Variants in CDK6 observed in about 807,000 individuals in gnomAD.
CDK6 encodes the protein cyclin-dependent kinase 6.
CDK6 carries 6 observed loss-of-function variants against 37.1 expected under a neutral mutation model. The observed-to-expected ratio is 0.16, with a 90% CI of 0.09 to 0.32. The LOEUF (loss-of-function observed/expected upper bound fraction) is 0.32, where lower values mean the gene tolerates loss of function less well. CDK6 is among the 10% of genes least tolerant of loss of function. The pLI is 1.00. For missense variants in CDK6, 224 were observed against 418.9 expected (o/e 0.53, Z 4.06); for synonymous variants, 160 against 161.3 (o/e 0.99, Z 0.06).
At chr7:92,699,565 T>C (rs1797795672) in intron 4 of CDK6, among the ~76,000 whole-genome samples, 1 of 152,252 alleles carries the variant, frequency 6.6e-6, no homozygotes, top group Admixed American at 6.5e-5. Flanking sequence ...GATATATCTG[T>C]ACTACTCTCA....
chr7:92,812,913 T>A (rs1267001149), intron 2 of CDK6, among the ~76,000 whole-genome samples: 1 of 152,218 alleles, frequency 6.6e-6, no homozygotes, highest in Non-Finnish European at 1.5e-5. Context: ...TTTTTAATTG[T>A]CATACTAATT....
At chr7:92,789,389 G>A (rs374475278) in intron 2 of CDK6, among the ~76,000 whole-genome samples, 2 of 152,164 alleles carry the variant, frequency 1.3e-5, no homozygotes, top group East Asian at 1.9e-4. Flanking sequence ...AACTACATAG[G>A]TAAGTGGTTT....
chr7:92,821,300 A>G, intron 2 of CDK6, among the ~76,000 whole-genome samples: 1 of 152,086 alleles, frequency 6.6e-6, no homozygotes, highest in East Asian at 1.9e-4. Flanking sequence ...AGACGCCTAG[A>G]ATAATCAAAC....
At chr7:92,806,537 G>A (rs2115921404) in intron 2 of CDK6, among the ~76,000 whole-genome samples, 1 of 152,294 alleles carries the variant, frequency 6.6e-6, no homozygotes, top group East Asian at 1.9e-4. Flanking sequence ...GAGGATGTCA[G>A]GGAGGAATGA....
chr7:92,824,350 T>C (rs1352262376), intron 2 of CDK6, among the ~76,000 whole-genome samples: 1 of 152,034 alleles, frequency 6.6e-6, no homozygotes, highest in Non-Finnish European at 1.5e-5. Flanking sequence ...CTTTGAGATT[T>C]TGAAATTAAA....
chr7:92,643,071 G>C (rs934610883), intron 5 of CDK6, among the ~76,000 whole-genome samples: 1 of 152,058 alleles, frequency 6.6e-6, no homozygotes, highest in African/African-American at 2.4e-5. Flanking sequence ...ATTTTTTGTA[G>C]AGACAGGGTT....
chr7:92,689,773 T>C (rs945960831), intron 4 of CDK6, among the ~76,000 whole-genome samples: 2 of 152,210 alleles, frequency 1.3e-5, no homozygotes, highest in African/African-American at 4.8e-5. Context: ...CATTCCTTTT[T>C]CTCCACAACC....
chr7:92,804,543 A>G (rs1800672034), intron 2 of CDK6, among the ~76,000 whole-genome samples: 1 of 152,186 alleles, frequency 6.6e-6, no homozygotes, highest in Non-Finnish European at 1.5e-5. Flanking sequence ...ATGGTAATGA[A>G]AAATACTAAT....
intron 4 of CDK6, among the ~76,000 whole-genome samples, chr7:92,724,106 T>C (rs112535253): frequency 6.6e-6 from 1 of 152,200 alleles, no homozygotes; most frequent in African/African-American, 2.4e-5. Context: ...ACAAAGCCTA[T>C]TCAAGCTTCT....
intron 3 of CDK6, among the ~76,000 whole-genome samples, chr7:92,745,225 T>C (rs1331258981): frequency 3.3e-5 from 5 of 152,356 alleles, no homozygotes; most frequent in East Asian, 1.9e-4. Context: ...TCTATCATTC[T>C]TGAACATACA....
At chr7:92,751,328 C>T (rs1799183653) in intron 3 of CDK6, among the ~76,000 whole-genome samples, 1 of 151,860 alleles carries the variant, frequency 6.6e-6, no homozygotes, top group Non-Finnish European at 1.5e-5. Context: ...AAGAAGTGTT[C>T]GAGATACATT....
chr7:92,756,049 A>G (rs747234603), intron 3 of CDK6, among the ~76,000 whole-genome samples: 7 of 152,036 alleles, frequency 4.6e-5, no homozygotes, highest in Non-Finnish European at 7.4e-5. Flanking sequence ...TCTCCCTTTA[A>G]TATAATAAGG....
Position 92,690,707 on chromosome 7 carries a change from G to A in CDK6, c.538-19172C>T, listed in dbSNP as rs543375970. ...GCACTACTCTATGACAACGTATGGG[G>A]TTGAGCACAAATAATCTAAAATAAA... is the stretch of plus-strand genomic sequence containing the variant. On this transcript the variant is annotated intron_variant, in intron 4 of 7. Transcript: ENST00000424848. Among the ~76,000 whole-genome samples the A allele has an allele frequency of 2.6e-4, 39 of 152,268 alleles. No individual in the cohort carries two copies. In the South Asian group the frequency reaches 8.1e-3, roughly 32 times the overall value.
rs1795522800 is a variant in CDK6, at chr7:92,609,829, G to A, written c.*5311C>T. 8.7e-6 allele frequency: 2 copies of A among 230,654 alleles called. No individual in the cohort carries two copies. The highest frequency in any genetic ancestry group is 1.7e-5 in the Non-Finnish European group (2 of 116,480). 14.3% of individuals were successfully genotyped at this position (230,654 alleles called of 1,614,324 possible). On this transcript the variant is annotated 3_prime_UTR_variant, in exon 8 of 8. Coordinates refer to ENST00000424848, the MANE Select transcript of CDK6 (RefSeq NM_001145306.2). ...TTCAAAAATTTTTTCTTGACTGAAT[G>A]AATGACTAGGCTTTCTTTACTTAAA... is the stretch of plus-strand genomic sequence containing the variant.
At chr7:92,782,852 T>C (rs900144934) in intron 2 of CDK6, among the ~76,000 whole-genome samples, 4 of 152,228 alleles carry the variant, frequency 2.6e-5, no homozygotes, top group African/African-American at 7.2e-5. Context: ...ATTAAATGAC[T>C]TAAAAATGTC....
intron 4 of CDK6, among the ~76,000 whole-genome samples, chr7:92,723,133 G>A (rs1293177811): frequency 1.3e-5 from 2 of 152,126 alleles, no homozygotes; most frequent in Non-Finnish European, 1.5e-5. Flanking sequence ...CTGAGATAGG[G>A]CCACTGCCCT....
intron 4 of CDK6, among the ~76,000 whole-genome samples, chr7:92,683,627 T>G (rs1428157143): frequency 2.0e-5 from 3 of 151,588 alleles, no homozygotes; most frequent in African/African-American, 7.3e-5. Context: ...TCGAGATGCA[T>G]GCAGGAAAAT....
rs116009567 is a variant in CDK6, at chr7:92,834,782, G to T, written c.-367-1092C>A. On this transcript the variant is annotated intron_variant, in intron 1 of 7. Coordinates refer to ENST00000424848, the MANE Select transcript of CDK6 (RefSeq NM_001145306.2). The surrounding 1 kb of genome is among the most constrained non-coding windows in gnomAD (Gnocchi z 4.6). ...CTTTTCCCATTCCCAGGACCTCCCC[G>T]CTGTAGGTAGCAGAGGTGGCTGCCC... Among the ~76,000 whole-genome samples, 351 of 152,136 alleles carry T rather than the reference G, an allele frequency of 2.3e-3. 1 individual carries two copies. Among genetic ancestry groups the T allele is most frequent in the African/African-American group, 8.2e-3 (341 of 41,496 alleles).
rs574291113 is a variant in CDK6 at position 92,611,378 on chromosome 7, T to A, written c.*3762A>T. ...CATTATTTTTTCCTAGACTCAACTA[T>A]GCAATTAAAGCCTGCTTTTGGAAAA... On this transcript the variant is annotated 3_prime_UTR_variant, in exon 8 of 8. Coordinates refer to ENST00000424848, the MANE Select transcript of CDK6 (RefSeq NM_001145306.2). 4.4e-6 allele frequency: 1 copy of A among 227,912 alleles called. No individual in the cohort carries two copies. 14.1% of individuals were successfully genotyped at this position (227,912 alleles called of 1,614,324 possible).
Sources: gnomAD v4.1 joint callset for allele counts (sites outside exome capture counted in the v4.1 genomes callset) on GRCh38, gnomAD v4.1.1 for gene constraint, Gnocchi (gnomAD v3.1) non-coding constraint, MANE v1.5 for transcripts, NCBI Gene and HGNC (gene_info 2026-07-23, HGNC 2026-07-21) for gene names.